Variants in ARHGAP24 observed in about 807,000 individuals in gnomAD.
ARHGAP24 encodes Rho GTPase activating protein 24.
ARHGAP24 carries 50 observed loss-of-function variants against 76.4 expected under a neutral mutation model. The observed-to-expected ratio is 0.65, with a 90% CI of 0.52 to 0.83. ARHGAP24 has a LOEUF of 0.83. Ranked by LOEUF, ARHGAP24 falls within the 40% of genes least tolerant of loss-of-function variation. The pLI is 0.00. For missense variants in ARHGAP24, 930 were observed against 914.2 expected, an observed-to-expected ratio of 1.02 and a Z score of -0.22; for synonymous variants, 345 against 323.3, an observed-to-expected ratio of 1.07 and a Z score of -0.72.
At chr4:85,660,451 A>G (rs1212673119) in intron 2 of ARHGAP24, among the ~76,000 whole-genome samples, 1 of 152,206 alleles carries the variant, frequency 6.6e-6, no homozygotes. Context: ...TCAGGGCTAC[A>G]GTACTCAAAT....
chr4:85,735,904 A>T (rs192172422), intron 3 of ARHGAP24, among the ~76,000 whole-genome samples: 1,525 of 152,186 alleles, frequency 0.01, 20 homozygotes, highest in Non-Finnish European at 0.018. Context: ...CTATTTTTTT[A>T]AAAAAATCTA....
chr4:85,950,177 A>C (rs931475363), intron 5 of ARHGAP24, among the ~76,000 whole-genome samples: 1 of 152,182 alleles, frequency 6.6e-6, no homozygotes, highest in Admixed American at 6.5e-5. Flanking sequence ...GGAACAGCTT[A>C]GCTTGCTTGA....
chr4:85,737,179 G>A (rs1725637988), intron 3 of ARHGAP24, among the ~76,000 whole-genome samples: 1 of 152,090 alleles, frequency 6.6e-6, no homozygotes, highest in South Asian at 2.1e-4. Flanking sequence ...TTCTCTAAAT[G>A]CTGGAAGTCC....
chr4:85,923,908 T>G (rs902302020), intron 4 of ARHGAP24, 138 bp downstream of exon 4: 1 of 1,281,814 alleles, frequency 7.8e-7, no homozygotes, highest in Non-Finnish European at 1.1e-6. Flanking sequence ...TTCAACATTA[T>G]TGTTAGACGT....
chr4:85,879,427 A>G (rs937026937), intron 3 of ARHGAP24, among the ~76,000 whole-genome samples: 1 of 152,200 alleles, frequency 6.6e-6, no homozygotes, highest in Non-Finnish European at 1.5e-5. Context: ...TACAGATCAA[A>G]TTAGATGAAT....
chr4:85,553,957 T>C (rs571257201), intron 1 of ARHGAP24, among the ~76,000 whole-genome samples: 5 of 152,344 alleles, frequency 3.3e-5, no homozygotes, highest in Non-Finnish European at 5.9e-5. Context: ...CATAACATTC[T>C]TTCTTGTCCA....
intron 2 of ARHGAP24, among the ~76,000 whole-genome samples, chr4:85,578,576 C>T (rs1248202732): frequency 2.0e-5 from 3 of 152,192 alleles, no homozygotes; most frequent in African/African-American, 7.2e-5. Context: ...TCACTACCAG[C>T]TATAGGGCTT....
intron 4 of ARHGAP24, among the ~76,000 whole-genome samples, chr4:85,935,581 T>C (rs1291287717): frequency 2.0e-5 from 3 of 152,242 alleles, no homozygotes; most frequent in African/African-American, 7.2e-5. Context: ...TGAAAGACTT[T>C]TAGAATCATA....
In ARHGAP24 at chr4:85,515,547, C is replaced by T. The variant is rs1308556206; in HGVS notation, c.-21+39988C>T. On this transcript the variant is annotated intron_variant, in intron 1 of 9. Coordinates refer to ENST00000395184, the MANE Select transcript of ARHGAP24 (RefSeq NM_001025616.3). ...TACACAAAAAGTAGGATGTTATACACACTCAGCTGTCTCTCTTTTTCAATT... is the reference window on the plus strand; with the variant it reads ...TACACAAAAAGTAGGATGTTATACATACTCAGCTGTCTCTCTTTTTCAATT... Among the ~76,000 whole-genome samples, 3 of 151,804 alleles carry T rather than the reference C, an allele frequency of 2.0e-5. No individual in the cohort carries two copies. In the East Asian group the frequency reaches 5.8e-4, roughly 29 times the overall value.
At chr4:85,763,158 G>A (rs919918459) in intron 3 of ARHGAP24, among the ~76,000 whole-genome samples, 4 of 152,132 alleles carry the variant, frequency 2.6e-5, no homozygotes, top group South Asian at 2.1e-4. Context: ...ATAATTTGGT[G>A]TTGTTATTTA....
At chr4:85,568,053 A>G (rs1415418239) in intron 1 of ARHGAP24, among the ~76,000 whole-genome samples, 1 of 152,220 alleles carries the variant, frequency 6.6e-6, no homozygotes, top group African/African-American at 2.4e-5. Flanking sequence ...TATAAACAAC[A>G]TATGCAAAAG....
At chr4:85,514,925 A>G (rs961219716) in intron 1 of ARHGAP24, among the ~76,000 whole-genome samples, 1 of 151,880 alleles carries the variant, frequency 6.6e-6, no homozygotes, top group African/African-American at 2.4e-5. Context: ...TTTGGCAGAA[A>G]TGATTCAAGG....
chr4:85,933,673 A>C (rs1033804683), intron 4 of ARHGAP24, among the ~76,000 whole-genome samples: 5 of 152,202 alleles, frequency 3.3e-5, no homozygotes, highest in African/African-American at 4.8e-5. Flanking sequence ...TTTTGAAACT[A>C]CAATTTTTCT....
chr4:85,769,801 C>G (rs141181114), intron 3 of ARHGAP24, among the ~76,000 whole-genome samples: 1 of 152,026 alleles, frequency 6.6e-6, no homozygotes, highest in Non-Finnish European at 1.5e-5. Flanking sequence ...GTTAGCCAGG[C>G]TGGTCTTGAA....
rs550745282 is a variant in ARHGAP24, at chr4:85,804,038, G to A, written c.268+82066G>A. 6.0e-5 allele frequency among the ~76,000 whole-genome samples: 9 copies of A among 150,176 alleles called. No individual in the cohort carries two copies. In the East Asian group the frequency reaches 1.4e-3, roughly 23 times the overall value. On this transcript the variant is annotated intron_variant, in intron 3 of 9. Coordinates refer to ENST00000395184, the MANE Select transcript of ARHGAP24 (RefSeq NM_001025616.3). Reference sequence around the variant, plus strand: ...ACAATCTTGGGTCACTGCACCCTCCGCCTCCTGGGTTCAAGGTACACTCCT... The same window carrying A: ...ACAATCTTGGGTCACTGCACCCTCCACCTCCTGGGTTCAAGGTACACTCCT...
intron 3 of ARHGAP24, among the ~76,000 whole-genome samples, chr4:85,757,213 C>CTT (rs567221846): frequency 0.32 from 41,743 of 130,702 alleles, 7,018 homozygotes; most frequent in East Asian, 0.87. Context: ...GCAACCAATT[C>CTT]TTTTTTTTTT....
intron 1 of ARHGAP24, among the ~76,000 whole-genome samples, chr4:85,476,010 T>C (rs950560630): frequency 4.7e-5 from 7 of 149,214 alleles, no homozygotes; most frequent in Non-Finnish European, 8.9e-5. Context: ...CATATATATT[T>C]GCAAAAATAT....
At chr4:85,941,408 T>A (rs1736939409) in intron 4 of ARHGAP24, among the ~76,000 whole-genome samples, 1 of 152,202 alleles carries the variant, frequency 6.6e-6, no homozygotes, top group Non-Finnish European at 1.5e-5. Context: ...ATACCCTACC[T>A]GTTAGGGCAA....
intron 2 of ARHGAP24, among the ~76,000 whole-genome samples, chr4:85,706,210 GA>G (rs1436501153): frequency 6.6e-6 from 1 of 151,866 alleles, no homozygotes; most frequent in Non-Finnish European, 1.5e-5. Context: ...AATTGTTAGA[GA>G]AATTCTTTTT....
Sources: allele counts gnomAD v4.1 joint callset (sites outside exome capture counted in the v4.1 genomes callset), GRCh38; gene constraint gnomAD v4.1.1; transcripts MANE v1.5; gene names NCBI Gene and HGNC (gene_info 2026-07-23, HGNC 2026-07-21).